CNTN4: variants seen among roughly 807,000 people sequenced by gnomAD.
CNTN4 encodes contactin 4, also known as contactin-4.
CNTN4 carries 77 observed loss-of-function variants against 122.5 expected under a neutral mutation model. The observed-to-expected ratio is 0.63, with a 90% CI of 0.52 to 0.76. The LOEUF is 0.76. Among genes scored for constraint, CNTN4 ranks in the 30% least tolerant of loss-of-function variants. The pLI, the probability that CNTN4 is intolerant of heterozygous loss-of-function variation, is 0.00. For synonymous variants in CNTN4, 512 were observed against 447.0 expected, an observed-to-expected ratio of 1.15 and a Z score of -1.83; for missense variants, 1,256 against 1,259.1, an observed-to-expected ratio of 1.00 and a Z score of 0.04.
intron 13 of CNTN4, among the ~76,000 whole-genome samples, chr3:2,942,669 C>T (rs1559697894): frequency 1.3e-5 from 2 of 152,108 alleles, no homozygotes; most frequent in Non-Finnish European, 2.9e-5. Flanking sequence ...TATTTCCCAA[C>T]ACGAGTTCTT....
chr3:2,300,390 G>T (rs1410184796), intron 2 of CNTN4, among the ~76,000 whole-genome samples: 3 of 151,972 alleles, frequency 2.0e-5, no homozygotes, highest in Non-Finnish European at 4.4e-5. Context: ...GGAAAGCTTT[G>T]CATGTTTTAT....
At chr3:2,400,073 T>C (rs992571388) in intron 3 of CNTN4, among the ~76,000 whole-genome samples, 6 of 152,006 alleles carry the variant, frequency 3.9e-5, no homozygotes, top group African/African-American at 1.2e-4. Context: ...GAAATATTTA[T>C]GTAAGTAACT....
At chr3:2,997,244 G>C (rs1402884204) in intron 14 of CNTN4, among the ~76,000 whole-genome samples, 1 of 152,220 alleles carries the variant, frequency 6.6e-6, no homozygotes. Context: ...CCTGTGGCTT[G>C]AGAATGATGC....
At chr3:2,672,368 G>T (rs565405305) in intron 4 of CNTN4, among the ~76,000 whole-genome samples, 71 of 152,290 alleles carry the variant, frequency 4.7e-4, no homozygotes, top group African/African-American at 1.7e-3. Context: ...TCAGACTGCC[G>T]TGCTAGCAAT....
chr3:2,199,979 A>G (rs533233597), intron 2 of CNTN4, among the ~76,000 whole-genome samples: 2 of 152,310 alleles, frequency 1.3e-5, no homozygotes, highest in East Asian at 1.9e-4. Flanking sequence ...GCTATCAGAG[A>G]AATAAAAAAG....
chr3:2,689,925 T>G (rs892119449), intron 4 of CNTN4, among the ~76,000 whole-genome samples: 1 of 152,118 alleles, frequency 6.6e-6, no homozygotes, highest in African/African-American at 2.4e-5. Flanking sequence ...TAGGGGCGTG[T>G]GTGTTTGTGT....
chr3:2,703,514 A>G (rs2086475230), intron 4 of CNTN4, among the ~76,000 whole-genome samples: 1 of 152,216 alleles, frequency 6.6e-6, no homozygotes, highest in African/African-American at 2.4e-5. Context: ...CATGTGAAAC[A>G]ATCATAACAG....
chr3:2,489,948 T>A (rs967541976), intron 3 of CNTN4, among the ~76,000 whole-genome samples: 14 of 152,294 alleles, frequency 9.2e-5, no homozygotes, highest in African/African-American at 3.4e-4. Context: ...ATTCTGCCAT[T>A]TTATATTTTT....
At chr3:2,813,403 A>G (rs2092657840) in intron 6 of CNTN4, among the ~76,000 whole-genome samples, 1 of 152,322 alleles carries the variant, frequency 6.6e-6, no homozygotes, top group East Asian at 1.9e-4. Context: ...AAGTCAGGAA[A>G]AAAGTGAATT....
intron 12 of CNTN4, among the ~76,000 whole-genome samples, chr3:2,921,725 A>T (rs1331474534): frequency 3.3e-5 from 5 of 152,210 alleles, no homozygotes; most frequent in Non-Finnish European, 7.3e-5. Flanking sequence ...GTAAGACATC[A>T]CATCCATATA....
chr3:2,924,337 A>G (rs2094453985), intron 12 of CNTN4, among the ~76,000 whole-genome samples: 1 of 151,830 alleles, frequency 6.6e-6, no homozygotes, highest in Non-Finnish European at 1.5e-5. Context: ...TTCACATAAC[A>G]CACACCTCAA....
intron 4 of CNTN4, among the ~76,000 whole-genome samples, chr3:2,647,385 AT>A (rs1426652368): frequency 8.6e-5 from 1 of 11,680 alleles, no homozygotes; most frequent in African/African-American, 9.8e-4. Flanking sequence ...CATCTCATAA[AT>A]AAATAAATAA....
chr3:2,732,382 C>G (rs1026811362), intron 4 of CNTN4, among the ~76,000 whole-genome samples: 73 of 152,216 alleles, frequency 4.8e-4, no homozygotes, highest in African/African-American at 1.6e-3. Flanking sequence ...GGTCTACAGT[C>G]TAACTCGGAG....
chr3:2,520,596 C>A (rs1425103027), intron 3 of CNTN4, among the ~76,000 whole-genome samples: 2 of 151,884 alleles, frequency 1.3e-5, no homozygotes, highest in Non-Finnish European at 2.9e-5. Flanking sequence ...TTTAAAAAAA[C>A]TTTTGATACT....
At chr3:2,979,589 G>T (rs1317277833) in intron 13 of CNTN4, among the ~76,000 whole-genome samples, 1 of 150,978 alleles carries the variant, frequency 6.6e-6, no homozygotes, top group Non-Finnish European at 1.5e-5. Flanking sequence ...AAAGAGAGTA[G>T]AAGCCTTTTA....
intron 14 of CNTN4, chr3:2,999,158 ATACACTGTTTG>A (rs1695806558): frequency 1.3e-5 from 2 of 152,226 alleles, no homozygotes; most frequent in Admixed American, 1.3e-4. Context: ...ATCATACTGT[ATACACTGTTTG>A]TAACTTCTTT....
At chr3:2,731,015 G>GT (rs375561166) in intron 4 of CNTN4, among the ~76,000 whole-genome samples, 108 of 145,900 alleles carry the variant, frequency 7.4e-4, no homozygotes, top group South Asian at 1.1e-3. Flanking sequence ...TTCTTAGAGG[G>GT]TTTTTTTTTT....
chr3:2,888,499 C>A (rs1040059262), intron 10 of CNTN4, among the ~76,000 whole-genome samples: 2 of 152,076 alleles, frequency 1.3e-5, no homozygotes, highest in African/African-American at 4.8e-5. Flanking sequence ...CTCTGGTCTA[C>A]CTTTTGACAT....
intron 18 of CNTN4, among the ~76,000 whole-genome samples, chr3:3,038,549 G>A (rs1699841099): frequency 6.6e-6 from 1 of 152,162 alleles, no homozygotes; most frequent in African/African-American, 2.4e-5. Flanking sequence ...AGCTCTGCCT[G>A]GGCAGAGCTT....
Sources: allele counts gnomAD v4.1 joint callset (sites outside exome capture counted in the v4.1 genomes callset), GRCh38; gene constraint gnomAD v4.1.1; transcripts MANE v1.5; gene names NCBI Gene and HGNC (gene_info 2026-07-23, HGNC 2026-07-21).